M1AP: variants seen among roughly 807,000 people sequenced by gnomAD.
M1AP encodes the protein meiosis 1 arrest protein.
M1AP carries 39 observed loss-of-function variants against 51.2 expected under a neutral mutation model. The observed-to-expected ratio is 0.76, with a 90% CI of 0.59 to 1.00. The LOEUF is 1.00. M1AP is among the 50% of genes least tolerant of loss of function. The probability of loss-of-function intolerance (pLI) is 0.00; values close to 1 mark genes in which losing one functional copy is unlikely to be tolerated. For missense variants in M1AP, 545 were observed against 641.2 expected, an observed-to-expected ratio of 0.85 and a Z score of 1.62; for synonymous variants, 251 against 249.2, an observed-to-expected ratio of 1.01 and a Z score of -0.07.
intron 4 of M1AP, among the ~76,000 whole-genome samples, chr2:74,603,890 C>A (rs980291156): frequency 6.6e-6 from 1 of 152,084 alleles, no homozygotes; most frequent in African/African-American, 2.4e-5. Flanking sequence ...CATCTGCACG[C>A]GACCAGAAAG....
intron 2 of M1AP, among the ~76,000 whole-genome samples, chr2:74,622,543 CTTTT>C (rs534273779): frequency 2.0e-4 from 23 of 117,314 alleles, no homozygotes; most frequent in Admixed American, 1.0e-3. Flanking sequence ...CCATTGCCTG[CTTTT>C]TTTTTTTTTT....
Position 74,604,288 on chromosome 2 carries a change from T to C in M1AP, c.595+2767A>G, listed in dbSNP as rs182625934. Among the ~76,000 whole-genome samples the C allele has an allele frequency of 2.0e-3, 302 of 152,294 alleles. 2 individuals carry two copies. Among genetic ancestry groups the C allele is most frequent in the Non-Finnish European group, 3.0e-3 (202 of 68,022 alleles). On this transcript the variant is annotated intron_variant, in intron 4 of 10. Coordinates refer to ENST00000421985, the MANE Select transcript of M1AP (RefSeq NM_001321739.2). The stretch of plus-strand genomic sequence containing the variant: ...TGGGTCTCCTTTTTGAGTGGCCCTT[T>C]TCCTTTTCCTCTGCTTAGCTAATTC...
intron 3 of M1AP, among the ~76,000 whole-genome samples, chr2:74,613,882 G>C (rs921595300): frequency 6.6e-6 from 1 of 152,154 alleles, no homozygotes; most frequent in Non-Finnish European, 1.5e-5. Flanking sequence ...TTGAACTCTT[G>C]GGCTCAAGCC....
intron 3 of M1AP, among the ~76,000 whole-genome samples, chr2:74,611,897 T>G (rs1250228108): frequency 7.0e-5 from 6 of 85,376 alleles, no homozygotes; most frequent in Non-Finnish European, 1.4e-4. Flanking sequence ...TTTTTTTTTT[T>G]TTTTTTTTTT....
intron 2 of M1AP, among the ~76,000 whole-genome samples, chr2:74,626,899 T>C (rs1471596097): frequency 6.6e-6 from 1 of 152,246 alleles, no homozygotes; most frequent in African/African-American, 2.4e-5. Context: ...TATCACATCG[T>C]TTTGAATATC....
At chr2:74,645,314 A>C (rs1372266882) in intron 1 of M1AP, among the ~76,000 whole-genome samples, 1 of 152,224 alleles carries the variant, frequency 6.6e-6, no homozygotes, top group African/African-American at 2.4e-5. Context: ...TAAGAACTGT[A>C]ACACCGCCAG....
intron 4 of M1AP, among the ~76,000 whole-genome samples, chr2:74,597,054 G>A (rs916341812): frequency 1.3e-5 from 2 of 152,026 alleles, no homozygotes; most frequent in Non-Finnish European, 2.9e-5. Flanking sequence ...CATATACATC[G>A]GTCAAAATTC....
rs1382965966 is a variant in M1AP at position 74,591,605 on chromosome 2, A to G, written c.596-9758T>C. Among the ~76,000 whole-genome samples the G allele has an allele frequency of 2.0e-5, 3 of 152,198 alleles. No homozygotes were observed. In the South Asian group the frequency reaches 6.2e-4, roughly 32 times the overall value. On this transcript the variant is annotated intron_variant, in intron 4 of 10. Transcript: ENST00000421985. ...TTAGGAAGGCGTTAAATCTTTTGAC[A>G]TGACCCAAGAACCACACCAAGCAGT...
At chr2:74,640,934 C>A (rs1465106652) in intron 1 of M1AP, among the ~76,000 whole-genome samples, 1 of 152,190 alleles carries the variant, frequency 6.6e-6, no homozygotes, top group African/African-American at 2.4e-5. Context: ...GCATTTATTG[C>A]ACTCTATTAC....
At chr2:74,564,089 A>G (rs1678216236) in intron 7 of M1AP, among the ~76,000 whole-genome samples, 2 of 152,230 alleles carry the variant, frequency 1.3e-5, no homozygotes, top group African/African-American at 4.8e-5. Context: ...GTTGAGACAA[A>G]TAATAAAAGA....
intron 2 of M1AP, among the ~76,000 whole-genome samples, chr2:74,636,415 C>G (rs754602357): frequency 6.6e-6 from 1 of 151,972 alleles, no homozygotes; most frequent in Non-Finnish European, 1.5e-5. Flanking sequence ...CTGCCAAGCC[C>G]TTTCTTTTAA....
intron 7 of M1AP, among the ~76,000 whole-genome samples, chr2:74,573,623 G>T (rs189122687): frequency 6.6e-5 from 10 of 152,238 alleles, no homozygotes; most frequent in Admixed American, 5.9e-4. Flanking sequence ...AAAGTGCTGG[G>T]ATTACAGACG....
At chr2:74,620,669 G>T (rs930732114) in intron 2 of M1AP, 1 of 215,816 alleles carries the variant, frequency 4.6e-6, no homozygotes, top group Admixed American at 4.1e-5. Context: ...AGATAATGCT[G>T]GGTTCTCCTG....
At chr2:74,596,742 A>G (rs1370836134) in intron 4 of M1AP, among the ~76,000 whole-genome samples, 1 of 152,236 alleles carries the variant, frequency 6.6e-6, no homozygotes, top group East Asian at 1.9e-4. Flanking sequence ...TAATACATAA[A>G]TGTTTAAACA....
At chr2:74,611,089 A>C (rs1251385773) in intron 3 of M1AP, among the ~76,000 whole-genome samples, 1 of 152,094 alleles carries the variant, frequency 6.6e-6, no homozygotes, top group Non-Finnish European at 1.5e-5. Flanking sequence ...CAAATATTTT[A>C]AGGGTTTTTG....
chr2:74,607,279 A>T (rs931471172), intron 3 of M1AP, 56 bp from the exon 4 acceptor site: 43 of 1,552,506 alleles, frequency 2.8e-5, no homozygotes, highest in Admixed American at 2.2e-4. Context: ...CAGAGTGAGG[A>T]ACATAACAGT....
chr2:74,590,366 C>T (rs1323031318), intron 4 of M1AP, among the ~76,000 whole-genome samples: 1 of 147,864 alleles, frequency 6.8e-6, no homozygotes, highest in Non-Finnish European at 1.5e-5. Flanking sequence ...CCCTCATGAC[C>T]TAATCCACCA....
intron 4 of M1AP, among the ~76,000 whole-genome samples, chr2:74,593,171 T>C (rs1680143972): frequency 6.6e-6 from 1 of 152,102 alleles, no homozygotes; most frequent in Non-Finnish European, 1.5e-5. Flanking sequence ...GAACTTCTTT[T>C]AAGCAAAAAT....
Position 74,607,044 on chromosome 2 carries a change from A to G in M1AP, c.595+11T>C. 1 of 1,612,568 alleles carries G rather than the reference A, an allele frequency of 6.2e-7. No homozygotes were observed. The highest frequency in any genetic ancestry group is 1.3e-5 in the African/African-American group (1 of 74,968). Reference sequence around the variant, plus strand: ...CTTACAATTCTTTTTACCTTGTTAAAAAATTCTTACCATCATTGCTGGTAT... The same window carrying G: ...CTTACAATTCTTTTTACCTTGTTAAGAAATTCTTACCATCATTGCTGGTAT... On this transcript the variant is annotated intron_variant, in intron 4 of 10. Transcript: ENST00000421985.
Sources: allele counts gnomAD v4.1 joint callset (sites outside exome capture counted in the v4.1 genomes callset), GRCh38; gene constraint gnomAD v4.1.1; transcripts MANE v1.5; gene names NCBI Gene and HGNC (gene_info 2026-07-23, HGNC 2026-07-21).